The following RPS29 variants were observed in gnomAD, a reference collection of about 807,000 sequenced individuals.
RPS29 encodes the protein small ribosomal subunit protein uS14.
For synonymous variants in RPS29, 37 were observed against 26.9 expected (o/e 1.37, Z -1.16); for missense variants, 60 against 75.7 (o/e 0.79, Z 0.77).
chr14:49,591,805 A>G (rs1881717474), intron 1 of RPS29, among the ~76,000 whole-genome samples: 1 of 151,392 alleles, frequency 6.6e-6, no homozygotes. Flanking sequence ...TGTTTTTAGT[A>G]GAGACAGGGT....
At position 49,584,394 on chromosome 14, in the gene RPS29, A is replaced by C. The variant is rs188143519; in HGVS notation, c.163-719T>G. 3.7e-4 allele frequency among the ~76,000 whole-genome samples: 56 copies of C among 152,364 alleles called. No individual in the cohort carries two copies. The East Asian group carries it at 9.8e-3, about 27-fold the overall frequency. On this transcript the variant is annotated intron_variant, in intron 2 of 2. Coordinates refer to ENST00000245458, the MANE Select transcript of RPS29 (RefSeq NM_001032.5). ...TTTAACAAGAAGCATATACTGATGA[A>C]GTATTTGCTCAGGGCTGCCAAGCCT...
downstream of RPS29, among the ~76,000 whole-genome samples, chr14:49,583,232 G>A (rs1033223922): frequency 6.6e-6 from 1 of 152,164 alleles, no homozygotes; most frequent in Non-Finnish European, 1.5e-5. Context: ...CAAGTTTATT[G>A]AGAAGGTAAT....
intron 2 of RPS29, chr14:49,585,686 C>T (rs1881518334): frequency 2.1e-6 from 1 of 483,848 alleles, no homozygotes; most frequent in Non-Finnish European, 3.7e-6. Flanking sequence ...AAACACAATA[C>T]ACGGCACCTA....
intron 2 of RPS29, among the ~76,000 whole-genome samples, chr14:49,583,988 A>G (rs1881425953): frequency 6.6e-6 from 1 of 152,142 alleles, no homozygotes; most frequent in Non-Finnish European, 1.5e-5. Context: ...TACACAGTTC[A>G]TCATTTTTTT....
upstream of RPS29, among the ~76,000 whole-genome samples, chr14:49,590,879 C>T (rs566393707): frequency 2.0e-5 from 3 of 152,066 alleles, no homozygotes; most frequent in East Asian, 2.0e-4. Context: ...TTAGTAAAGA[C>T]GGGGTTTTGC....
chr14:49,594,211 C>T (rs1203755745), intron 1 of RPS29, among the ~76,000 whole-genome samples: 1 of 152,154 alleles, frequency 6.6e-6, no homozygotes, highest in Non-Finnish European at 1.5e-5. Flanking sequence ...CAGGCTTGCT[C>T]TACCTCCAAA....
downstream of RPS29, among the ~76,000 whole-genome samples, chr14:49,582,214 G>T (rs1337657733): frequency 6.6e-6 from 1 of 152,074 alleles, no homozygotes; most frequent in Non-Finnish European, 1.5e-5. Context: ...AGAATCAGTT[G>T]ATCCCAAGAG....
chr14:49,583,525 T>C, downstream of RPS29: 1 of 880,356 alleles, frequency 1.1e-6, no homozygotes, highest in Non-Finnish European at 1.7e-6. Context: ...AGAAAAAGAT[T>C]TCTATAAACA....
At chr14:49,573,002 A>AG (rs1235808107) in exon 3 of RPS29, 1 of 152,086 alleles carries the variant, frequency 6.6e-6, no homozygotes, top group Non-Finnish European at 1.5e-5. Context: ...CAGCAGGTTG[A>AG]GGCTGCAGTA....
At chr14:49,590,215 C>T (rs138267119), upstream of RPS29, among the ~76,000 whole-genome samples, 215 of 152,262 alleles carry the variant, frequency 1.4e-3, 1 homozygote, top group African/African-American at 5.1e-3. Flanking sequence ...TGGTGGCTCA[C>T]GCCTGTAATC....
intron 1 of RPS29, 88 bp downstream of exon 1, chr14:49,586,197 G>A (rs1311265358): frequency 7.5e-6 from 11 of 1,457,986 alleles, no homozygotes; most frequent in East Asian, 2.3e-5. Flanking sequence ...GTGCTCCCTC[G>A]TGCCGCCCGT....
chr14:49,580,860 G>C (rs1359459642), downstream of RPS29, among the ~76,000 whole-genome samples: 1 of 150,936 alleles, frequency 6.6e-6, no homozygotes, highest in Admixed American at 6.6e-5. Context: ...ACTCCAGCCT[G>C]GGTGACATAG....
At chr14:49,572,875 C>A (rs1168513435) in exon 3 of RPS29, 1 of 152,106 alleles carries the variant, frequency 6.6e-6, no homozygotes, top group African/African-American at 2.4e-5. Flanking sequence ...TTAAGGCCAA[C>A]CTGGGCAACA....
chr14:49,592,297 G>A (rs545681200), intron 1 of RPS29: 6 of 149,668 alleles, frequency 4.0e-5, no homozygotes, highest in Non-Finnish European at 7.4e-5. Flanking sequence ...GTAACTGGTT[G>A]TAATTAATTA....
chr14:49,590,484 AC>A (rs1383755145), upstream of RPS29, among the ~76,000 whole-genome samples: 3 of 152,130 alleles, frequency 2.0e-5, no homozygotes, highest in Non-Finnish European at 4.4e-5. Flanking sequence ...TCAAAAAAAA[AC>A]AAAAAACAAA....
Position 49,586,276 on chromosome 14 carries a change from A to G in RPS29, c.62+9T>C, listed in dbSNP as rs1241607183. 1.9e-6 allele frequency: 3 copies of G among 1,613,120 alleles called. No individual in the cohort carries two copies. Among genetic ancestry groups the G allele is most frequent in the African/African-American group, 1.3e-5 (1 of 74,978 alleles). The stretch of plus-strand genomic sequence containing the variant: ...CAACGCTTCCCCAAAATCACAAACT[A>G]TTTCTCACCAAGAGCGAGAACCCTG... On this transcript the variant is annotated intron_variant, in intron 1 of 2. Coordinates refer to ENST00000245458, the MANE Select transcript of RPS29 (RefSeq NM_001032.5).
rs1467466780 is a variant in RPS29 at position 49,585,765 on chromosome 14, T to C, written c.162+185A>G. ...TAAGTCCTTCACCTTCTCCATTCTA[T>C]TAATTTGATTGCCCAAACCATCAAC... On this transcript the variant is annotated intron_variant, in intron 2 of 2. Coordinates refer to ENST00000245458, the MANE Select transcript of RPS29 (RefSeq NM_001032.5). 1.7e-5 allele frequency: 10 copies of C among 585,928 alleles called. No homozygotes were observed. In the East Asian group the frequency reaches 2.2e-4, roughly 13 times the overall value. The allele number at this position is 585,928 out of a possible 1,614,324, so 36.3% of individuals were successfully genotyped here. A position where few individuals can be genotyped will look rare whatever the true frequency, so the allele number is the denominator to read the frequency against.
exon 3 of RPS29, chr14:49,575,637 A>C (rs569221876): frequency 6.6e-6 from 1 of 152,242 alleles, no homozygotes; most frequent in Non-Finnish European, 1.5e-5. Context: ...GCATGAGCCC[A>C]GGAGTTCCAG....
rs1194303132 is a variant in RPS29, at chr14:49,586,044, A to G, written c.68T>C (p.Val23Ala). The G allele has an allele frequency of 1.2e-6, 2 of 1,612,476 alleles. No homozygotes were observed. The highest frequency in any genetic ancestry group is 1.3e-5 in the African/African-American group (1 of 75,022). Residue 23 changes from valine to alanine, a missense_variant, in exon 2 of 3, where the codon GTC (valine) becomes GCC (alanine). Transcript: ENST00000245458. Reference protein sequence around the residue: ...KFGQGSRSCRVCSNRHGLIRK... With the variant: ...KFGQGSRSCRACSNRHGLIRK... ...GATCAGACCGTGCCGGTTTGAACAG[A>G]CACGACTGTAAGAAAAGAGACAGCG...
Sources: allele counts gnomAD v4.1 joint callset (sites outside exome capture counted in the v4.1 genomes callset), GRCh38; gene constraint gnomAD v4.1.1; transcripts MANE v1.5; gene names NCBI Gene and HGNC (gene_info 2026-07-23, HGNC 2026-07-21).